The following UPF3B variants were observed in gnomAD, a reference collection of about 807,000 sequenced individuals.
UPF3B encodes regulator of nonsense transcripts 3B.
A neutral mutation model predicts 40.3 loss-of-function variants in UPF3B; 7 were observed. The ratio of observed to expected loss-of-function variants is 0.17; its 90% CI spans 0.10 to 0.33. The LOEUF is 0.33. Ranked by LOEUF, UPF3B falls within the 10% of genes least tolerant of loss-of-function variation. The pLI, the probability that UPF3B is intolerant of heterozygous loss-of-function variation, is 1.00. For synonymous variants in UPF3B, 117 were observed against 117.3 expected (o/e 1.00, Z 0.01); for missense variants, 229 against 358.9 (o/e 0.64, Z 2.93).
intron 4 of UPF3B, chrX:119,822,906 C>T: frequency 2.3e-6 from 2 of 856,453 alleles, no homozygotes; most frequent in Non-Finnish European, 2.9e-6. Context: ...CCACGCCCGG[C>T]CTCTCCTCTT....
At chrX:119,808,581 T>C (rs1401119108) in intron 5 of UPF3B, among the ~76,000 whole-genome samples, 1 of 100,874 alleles carries the variant, frequency 9.9e-6, no homozygotes, top group Non-Finnish European at 2.0e-5. Flanking sequence ...AGTCAGTGAT[T>C]GGTACATGTT....
intron 5 of UPF3B, among the ~76,000 whole-genome samples, chrX:119,815,027 G>A (rs1225159090): frequency 2.7e-5 from 3 of 109,310 alleles, no homozygotes; most frequent in Non-Finnish European, 5.7e-5. Context: ...CACCACGCCT[G>A]GCTAGTTCTT....
At chrX:119,806,658 T>C (rs1301510413) in intron 6 of UPF3B, among the ~76,000 whole-genome samples, 1 of 111,266 alleles carries the variant, frequency 9.0e-6, no homozygotes, top group Non-Finnish European at 1.9e-5. Context: ...TCCTTCACTG[T>C]ACTTATACTA....
chrX:119,827,157 T>C (rs752965777), intron 3 of UPF3B, among the ~76,000 whole-genome samples: 1 of 111,241 alleles, frequency 9.0e-6, no homozygotes, highest in Non-Finnish European at 1.9e-5. Flanking sequence ...CAGGATTTAG[T>C]ACCCTCTGAC....
At chrX:119,847,594 C>T (rs1467891992) in intron 3 of UPF3B, among the ~76,000 whole-genome samples, 6 of 109,512 alleles carry the variant, frequency 5.5e-5, no homozygotes, top group Non-Finnish European at 1.1e-4. Context: ...GGTGAAACTC[C>T]GTCTCTACCA....
At chrX:119,849,084 A>G (rs2056269674) in intron 3 of UPF3B, among the ~76,000 whole-genome samples, 1 of 112,404 alleles carries the variant, frequency 8.9e-6, no homozygotes, top group Non-Finnish European at 1.9e-5. Context: ...TGGCATGTAG[A>G]CATAAGCAGA....
At chrX:119,845,724 GTGA>G (rs974097092) in intron 3 of UPF3B, among the ~76,000 whole-genome samples, 12 of 110,754 alleles carry the variant, frequency 1.1e-4, no homozygotes, top group Non-Finnish European at 1.9e-4. Context: ...TCTCTTAGGG[GTGA>G]TGAACATGTT....
intron 3 of UPF3B, among the ~76,000 whole-genome samples, chrX:119,847,246 G>A (rs2056245641): frequency 9.0e-6 from 1 of 111,059 alleles, no homozygotes; most frequent in Non-Finnish European, 1.9e-5. Context: ...TAGAATTATT[G>A]GGCCAGCCTG....
At chrX:119,841,031 C>T (rs201492719) in intron 7 of UPF3B, 45 bp downstream of exon 7, 55 of 1,184,732 alleles carry the variant, frequency 4.6e-5, no homozygotes, top group African/African-American at 4.1e-4. Context: ...GAAGTAGATA[C>T]GTGCAATTTT....
chrX:119,836,751 C>G (rs1040069371), intron 10 of UPF3B, among the ~76,000 whole-genome samples: 1 of 104,716 alleles, frequency 9.5e-6, no homozygotes, highest in African/African-American at 3.5e-5. Context: ...CCCAGGTTCA[C>G]GCCATTTTCC....
intron 4 of UPF3B, among the ~76,000 whole-genome samples, chrX:119,820,145 G>A (rs2055900921): frequency 1.0e-5 from 1 of 98,090 alleles, no homozygotes; most frequent in Admixed American, 1.1e-4. Flanking sequence ...TCAATCCCCT[G>A]CCTTTTTGTT....
intron 8 of UPF3B, among the ~76,000 whole-genome samples, chrX:119,839,610 G>A (rs192366929): frequency 1.8e-5 from 2 of 112,029 alleles, no homozygotes; most frequent in Admixed American, 1.9e-4. Flanking sequence ...TCATCTCAGG[G>A]TGAAGGCATC....
chrX:119,809,687 C>T (rs1389401005), intron 5 of UPF3B, among the ~76,000 whole-genome samples: 2 of 112,101 alleles, frequency 1.8e-5, no homozygotes, highest in Non-Finnish European at 3.8e-5. Context: ...CGCCACAGCA[C>T]TGCAGCCTGG....
chrX:119,837,017 C>T (rs1163613363), intron 10 of UPF3B, among the ~76,000 whole-genome samples: 2 of 107,188 alleles, frequency 1.9e-5, no homozygotes, highest in Non-Finnish European at 3.8e-5. Flanking sequence ...GATCTCGGCT[C>T]ACCTCAACCT....
At chrX:119,838,298 A>G (rs1448938930) in intron 9 of UPF3B, 69 bp downstream of exon 9, 1 of 1,130,561 alleles carries the variant, frequency 8.8e-7, no homozygotes, top group Non-Finnish European at 1.2e-6. Flanking sequence ...ATTCAGGTAC[A>G]TGTCCAGGAC....
chrX:119,840,021 T>C (rs909407027), intron 8 of UPF3B, among the ~76,000 whole-genome samples: 16 of 111,150 alleles, frequency 1.4e-4, no homozygotes, highest in African/African-American at 4.9e-4. Flanking sequence ...TAGGGAACCC[T>C]TGCTACATAA....
chrX:119,845,888 G>A (rs1477559872), intron 3 of UPF3B, among the ~76,000 whole-genome samples: 1 of 110,822 alleles, frequency 9.0e-6, no homozygotes, highest in Non-Finnish European at 1.9e-5. Flanking sequence ...TTGAGGTGAT[G>A]TGTTATGTGA....
In UPF3B at chrX:119,834,734, C is replaced by T. The variant is rs772009192; in HGVS notation, c.*144G>A. ...CTCTGATCAGATTCCTGCTTTGACACAAGACTTACTCCTCTGCAGTGTACC... is the reference window on the plus strand; with the variant it reads ...CTCTGATCAGATTCCTGCTTTGACATAAGACTTACTCCTCTGCAGTGTACC... On this transcript the variant is annotated 3_prime_UTR_variant, in exon 11 of 11. Transcript: ENST00000276201. 1.4e-5 allele frequency: 16 copies of T among 1,167,608 alleles called. No individual in the cohort carries two copies. Among genetic ancestry groups the T allele is most frequent in the Non-Finnish European group, 1.8e-5 (16 of 876,533 alleles).
At chrX:119,836,362 A>G (rs1410001509) in intron 10 of UPF3B, among the ~76,000 whole-genome samples, 2 of 111,754 alleles carry the variant, frequency 1.8e-5, no homozygotes, top group Non-Finnish European at 3.8e-5. Context: ...CGCAAAAAAT[A>G]AATAATTAAT....
Sources: gnomAD v4.1 joint callset for allele counts (sites outside exome capture counted in the v4.1 genomes callset) on GRCh38, gnomAD v4.1.1 for gene constraint, MANE v1.5 for transcripts, NCBI Gene and HGNC (gene_info 2026-07-23, HGNC 2026-07-21) for gene names.